RAPGEF6: variants seen among roughly 807,000 people sequenced by gnomAD.
RAPGEF6 encodes PDZ domain containing guanine nucleotide exchange factor (GEF) 2.
A neutral mutation model predicts 171.4 loss-of-function variants in RAPGEF6; 56 were observed. The observed-to-expected ratio is 0.33, with a 90% CI of 0.26 to 0.41. The LOEUF (loss-of-function observed/expected upper bound fraction) is 0.41, where lower values mean the gene tolerates loss of function less well. Ranked by LOEUF, RAPGEF6 falls within the 10% of genes least tolerant of loss-of-function variation. The pLI is 1.00. For missense variants in RAPGEF6, 1,674 were observed against 1,921.4 expected (o/e 0.87, Z 2.41); for synonymous variants, 692 against 650.1 (o/e 1.06, Z -0.98).
intron 6 of RAPGEF6, 79 bp downstream of exon 6, chr5:131,547,968 T>C: frequency 6.8e-7 from 1 of 1,474,158 alleles, no homozygotes; most frequent in Non-Finnish European, 9.3e-7. Flanking sequence ...ATGTTGATAT[T>C]ACCAAAGATA....
intron 17 of RAPGEF6, among the ~76,000 whole-genome samples, chr5:131,467,432 G>A (rs748354267): frequency 7.9e-5 from 12 of 152,160 alleles, no homozygotes; most frequent in African/African-American, 1.9e-4. Context: ...AGCCATCAGA[G>A]GAAAATCTTT....
chr5:131,495,440 A>G, intron 13 of RAPGEF6, 113 bp downstream of exon 13: 1 of 734,604 alleles, frequency 1.4e-6, no homozygotes, highest in Non-Finnish European at 2.2e-6. Context: ...CGGAAGTTCT[A>G]AGAATGGACA....
At chr5:131,514,533 G>A (rs1187216478) in intron 7 of RAPGEF6, among the ~76,000 whole-genome samples, 3 of 151,358 alleles carry the variant, frequency 2.0e-5, no homozygotes, top group South Asian at 4.2e-4. Context: ...AAAGAGACTC[G>A]ATAATGATAG....
Position 131,606,049 on chromosome 5 carries a change from A to G in RAPGEF6, c.70-1356T>C, listed in dbSNP as rs1352559952. Among the ~76,000 whole-genome samples the G allele has an allele frequency of 1.7e-4, 23 of 133,490 alleles. 1 individual carries two copies. In the East Asian group the frequency reaches 4.1e-3, roughly 24 times the overall value. The allele number at this position is 133,490 out of a possible 152,430, so 87.6% of individuals were successfully genotyped here. A position where few individuals can be genotyped will look rare whatever the true frequency, so the allele number is the denominator to read the frequency against. On this transcript the variant is annotated intron_variant, in intron 1 of 27. Transcript: ENST00000509018. ...CATCTCAAAAAAAAAAAAAAAAAAA[A>G]AAAAGAAAAAGAAAAGAAAAGAAAA... is the stretch of plus-strand genomic sequence containing the variant.
intron 8 of RAPGEF6, 108 bp downstream of exon 8, chr5:131,510,206 C>T: frequency 8.4e-7 from 1 of 1,197,348 alleles, no homozygotes; most frequent in Non-Finnish European, 1.1e-6. Context: ...AAGATAATGG[C>T]TTAACACAAC....
intron 6 of RAPGEF6, among the ~76,000 whole-genome samples, chr5:131,533,534 T>C (rs1759550294): frequency 6.6e-6 from 1 of 152,110 alleles, no homozygotes. Context: ...ATCAAATAAC[T>C]GTTCTGAAAG....
chr5:131,555,496 A>C (rs2149959049), intron 5 of RAPGEF6, among the ~76,000 whole-genome samples: 1 of 152,160 alleles, frequency 6.6e-6, no homozygotes, highest in East Asian at 1.9e-4. Flanking sequence ...AATTTTACAC[A>C]ACTCTTATGC....
chr5:131,439,343 A>G (rs1752231479), intron 24 of RAPGEF6, among the ~76,000 whole-genome samples: 1 of 152,196 alleles, frequency 6.6e-6, no homozygotes, highest in Non-Finnish European at 1.5e-5. Flanking sequence ...ATTCTTATCC[A>G]TGCTTGCTGT....
chr5:131,442,892 A>C (rs558172282), intron 22 of RAPGEF6, among the ~76,000 whole-genome samples: 8 of 151,704 alleles, frequency 5.3e-5, no homozygotes, highest in African/African-American at 1.9e-4. Context: ...GGTTCAATGG[A>C]GTCTACTCTC....
intron 15 of RAPGEF6, among the ~76,000 whole-genome samples, chr5:131,488,611 TTCAG>T (rs764252741): frequency 3.3e-5 from 5 of 152,136 alleles, no homozygotes; most frequent in Non-Finnish European, 7.4e-5. Flanking sequence ...CATGATGTAA[TTCAG>T]TCAAAGGGAC....
Position 131,424,316 on chromosome 5 carries a change from A to C in RAPGEF6, c.*2950T>G, listed in dbSNP as rs1751297902. ...AAAGTCAAAGATGAACCAGGATTCA[A>C]GTTTAAATTTGAACATGTACTGTGA... is the stretch of plus-strand genomic sequence containing the variant. On this transcript the variant is annotated 3_prime_UTR_variant, in exon 28 of 28. Transcript: ENST00000509018. 6.6e-6 allele frequency: 1 copy of C among 152,388 alleles called. No individual in the cohort carries two copies. The highest frequency in any genetic ancestry group is 2.1e-4 in the South Asian group (1 of 4,834). 9.4% of individuals were successfully genotyped at this position (152,388 alleles called of 1,614,324 possible). A position where few individuals can be genotyped will look rare whatever the true frequency, so the allele number is the denominator to read the frequency against.
chr5:131,455,900 T>C lies in RAPGEF6; in HGVS notation c.2977A>G (p.Met993Val). Residue 993 changes from methionine to valine, a missense_variant, in exon 20 of 28, where the codon ATG becomes GTG. By Grantham distance (21) the Met-to-Val change is conservative (BLOSUM62 1). Around this residue, in one of 3 missense-constraint regions of RAPGEF6, gnomAD observed 1,116 missense variants for 1,321.5 expected, o/e 0.84. Coordinates refer to ENST00000509018, the MANE Select transcript of RAPGEF6 (RefSeq NM_016340.6). ...LQDIFDPSRN[M>V]AKYRNILSSQ... ...CTAAGAATATTTCTATACTTTGCCA[T>C]GTTTCTAGATGGATCAAAAATGTCT... 6.2e-7 allele frequency: 1 copy of C among 1,614,032 alleles called. No individual in the cohort carries two copies. Among genetic ancestry groups the C allele is most frequent in the Non-Finnish European group, 8.5e-7 (1 of 1,179,894 alleles).
intron 6 of RAPGEF6, among the ~76,000 whole-genome samples, chr5:131,547,524 T>C (rs930549332): frequency 2.0e-5 from 3 of 151,624 alleles, no homozygotes; most frequent in African/African-American, 7.3e-5. Flanking sequence ...TTTTTTTTTT[T>C]TGGCAACAGA....
chr5:131,443,419 C>T (rs2149814665), intron 22 of RAPGEF6, among the ~76,000 whole-genome samples: 1 of 152,332 alleles, frequency 6.6e-6, no homozygotes, highest in East Asian at 1.9e-4. Flanking sequence ...TCCATCATCA[C>T]TCTGCTGAGG....
chr5:131,481,198 T>C (rs1755455401), intron 15 of RAPGEF6, among the ~76,000 whole-genome samples: 1 of 152,044 alleles, frequency 6.6e-6, no homozygotes, highest in Admixed American at 6.6e-5. Context: ...GTGCTGGGAT[T>C]ACAGGCGTGA....
Position 131,464,135 on chromosome 5 carries a change from A to G in RAPGEF6, c.2386T>C (p.Cys796Arg). ...CCCTCAGGAGTAACAGAAACTTCACAGAGAGAATATGTGTCGGATGCACCG... is the reference window on the plus strand; with the variant it reads ...CCCTCAGGAGTAACAGAAACTTCACGGAGAGAATATGTGTCGGATGCACCG... ...LTGASDTYSL[C>R]EVSVTPEGVI... Residue 796 changes from cysteine to arginine, a missense_variant, in exon 18 of 28, where the codon TGT becomes CGT. Coordinates refer to ENST00000509018, the MANE Select transcript of RAPGEF6 (RefSeq NM_016340.6). The G allele has an allele frequency of 3.1e-6, 5 of 1,614,010 alleles. No individual in the cohort carries two copies. Among genetic ancestry groups the G allele is most frequent in the Non-Finnish European group, 4.2e-6 (5 of 1,179,940 alleles).
At chr5:131,524,449 T>C (rs1307523286) in intron 6 of RAPGEF6, among the ~76,000 whole-genome samples, 2 of 152,042 alleles carry the variant, frequency 1.3e-5, no homozygotes, top group African/African-American at 4.8e-5. Context: ...TAAAAAAGTG[T>C]ATAACTATAA....
chr5:131,447,727 A>C (rs1752812630), intron 21 of RAPGEF6, among the ~76,000 whole-genome samples: 1 of 152,252 alleles, frequency 6.6e-6, no homozygotes. Flanking sequence ...TCTACTTTAA[A>C]ATAGACACTA....
intron 5 of RAPGEF6, among the ~76,000 whole-genome samples, chr5:131,551,932 T>C (rs1255355993): frequency 2.0e-5 from 3 of 151,806 alleles, no homozygotes; most frequent in African/African-American, 7.3e-5. Flanking sequence ...CAATGTAAGA[T>C]TTAAAAAAAA....
Sources: gnomAD v4.1 joint callset for allele counts (sites outside exome capture counted in the v4.1 genomes callset) on GRCh38, gnomAD v4.1.1 for gene constraint, gnomAD v4.1.1 regional missense constraint, MANE v1.5 for transcripts, NCBI Gene and HGNC (gene_info 2026-07-23, HGNC 2026-07-21) for gene names.